Variants in FNDC1 observed in about 807,000 individuals in gnomAD.
FNDC1 encodes fibronectin type III domain-containing protein 1.
In FNDC1, 96 loss-of-function variants were observed where a neutral mutation model predicts 168.0. That is an observed-to-expected ratio of 0.57 (90% CI 0.48 to 0.68). The LOEUF is 0.68. Among genes scored for constraint, FNDC1 ranks in the 30% least tolerant of loss-of-function variants. FNDC1 has a pLI of 0.00. For missense variants in FNDC1, 2,587 were observed against 2,482.1 expected (o/e 1.04, Z -0.90); for synonymous variants, 1,099 against 1,025.9 (o/e 1.07, Z -1.36).
Position 159,169,608 on chromosome 6 carries a change from G to A in FNDC1, c.12G>A (p.Glu4=). The change falls in exon 1 of 23, where the codon GAG becomes GAA. Residue 4 remains glutamate (E), a synonymous_variant. Transcript: ENST00000297267. This position sits in a 1 kb window ranked among gnomAD's most constrained non-coding sequence, Gnocchi z 6.8. ...ACCCCGGGCTCTCGATGGCCCCCGA[G>A]GCCGGGGCGACCCTGCGCGCGCCGC... MAP[E]AGATLRAPRR... is the part of the protein sequence containing the mutation. 1.8e-6 allele frequency: 2 copies of A among 1,123,586 alleles called. No homozygotes were observed. The highest frequency in any genetic ancestry group is 4.0e-5 in the South Asian group (1 of 24,742). The allele number at this position is 1,123,586 out of a possible 1,614,324, so 69.6% of individuals were successfully genotyped here.
intron 4 of FNDC1, among the ~76,000 whole-genome samples, chr6:159,213,520 C>T (rs1017949552): frequency 1.4e-4 from 22 of 152,136 alleles, no homozygotes; most frequent in Non-Finnish European, 3.1e-4. Context: ...CACTGTGACC[C>T]CCAGTATCAG....
intron 4 of FNDC1, among the ~76,000 whole-genome samples, chr6:159,209,653 A>C (rs1782557016): frequency 6.6e-6 from 1 of 152,174 alleles, no homozygotes; most frequent in African/African-American, 2.4e-5. Context: ...CTCGAACTGA[A>C]GGTGGTGATG....
intron 9 of FNDC1, among the ~76,000 whole-genome samples, chr6:159,229,184 CA>C (rs1783027391): frequency 6.6e-6 from 1 of 152,166 alleles, no homozygotes; most frequent in African/African-American, 2.4e-5. Flanking sequence ...GACTATAGAG[CA>C]AGCCAATTAA....
At chr6:159,256,827 A>T (rs1777384840) in intron 18 of FNDC1, among the ~76,000 whole-genome samples, 196 bp downstream of exon 18, 1 of 152,236 alleles carries the variant, frequency 6.6e-6, no homozygotes, top group South Asian at 2.1e-4. Flanking sequence ...ATGTATTGTC[A>T]TTGTTAGGCT....
Position 159,267,833 on chromosome 6 carries a change from G to A in FNDC1, c.5476G>A (p.Gly1826Arg), listed in dbSNP as rs878942095. ...ATTCTACAGCATTGGAGACAGCTGG[G>A]GAAGAGGTGAAGACCATTGCCAATT... ...DTFYSIGDSWGRGEDHCQFVD... is the reference protein window; with the variant it reads ...DTFYSIGDSWRRGEDHCQFVD... Residue 1826 changes from glycine to arginine, a missense_variant, in exon 22 of 23, where the codon GGA becomes AGA. Coordinates refer to ENST00000297267, the MANE Select transcript of FNDC1 (RefSeq NM_032532.3). 1 of 1,613,738 alleles carries A rather than the reference G, an allele frequency of 6.2e-7. No homozygotes were observed. The highest frequency in any genetic ancestry group is 8.5e-7 in the Non-Finnish European group (1 of 1,179,824).
In FNDC1 at chr6:159,233,456, C is replaced by T. The variant is rs764838274; in HGVS notation, c.2944C>T (p.Pro982Ser). 2.1e-5 allele frequency: 34 copies of T among 1,606,792 alleles called. No homozygotes were observed. Among genetic ancestry groups the T allele is most frequent in the Non-Finnish European group, 2.9e-5 (34 of 1,178,716 alleles). Reference protein sequence around the residue: ...TDRHASPARPPAARSQQHPSV... With the variant: ...TDRHASPARPSAARSQQHPSV... The stretch of plus-strand genomic sequence containing the variant: ...CCGCCACGCGTCCCCTGCTCGTCCG[C>T]CCGCAGCACGGTCACAGCAGCATCC... Residue 982 changes from proline (P) to serine (S), a missense_variant, in exon 11 of 23, where the codon CCC becomes TCC. Physicochemically the swap from Pro to Ser is moderately conservative, Grantham distance 74. Transcript: ENST00000297267. This position sits in a 1 kb window ranked among gnomAD's most constrained non-coding sequence, Gnocchi z 4.6.
Position 159,178,753 on chromosome 6 carries a change from T to G in FNDC1, c.109+9048T>G, listed in dbSNP as rs77935442. On this transcript the variant is annotated intron_variant, in intron 1 of 22. Transcript: ENST00000297267. ...TAGCTTGCAAGTGTTTTTCTTTTTTTTTTTTTGTAAATGGAGAAATCATGG... is the reference window on the plus strand; with the variant it reads ...TAGCTTGCAAGTGTTTTTCTTTTTTGTTTTTTGTAAATGGAGAAATCATGG... Among the ~76,000 whole-genome samples the G allele has an allele frequency of 9.0e-3, 1,374 of 152,012 alleles. 28 individuals are homozygous for G. Among genetic ancestry groups the G allele is most frequent in the African/African-American group, 0.031 (1,298 of 41,398 alleles).
rs1301547312 is a variant in FNDC1 at position 159,169,812 on chromosome 6, C to CTGTG, written c.109+108_109+111dup. Reference sequence around the variant, plus strand: ...GCTGGCTACGGGTCGTGTCACTAGCCTGTGCGTCCTCGTCACTCGCGGGTC... The same window carrying CTGTG: ...GCTGGCTACGGGTCGTGTCACTAGCCTGTGTGTGCGTCCTCGTCACTCGCGGGTC... On this transcript the variant is annotated intron_variant, in intron 1 of 22. Transcript: ENST00000297267. This position sits in a 1 kb window ranked among gnomAD's most constrained non-coding sequence, Gnocchi z 6.8. 10 of 326,262 alleles carry CTGTG rather than the reference C, an allele frequency of 3.1e-5. No homozygotes were observed. The highest frequency in any genetic ancestry group is 4.3e-5 in the Non-Finnish European group (9 of 208,166). 20.2% of individuals were successfully genotyped at this position (326,262 alleles called of 1,614,324 possible). A position where few individuals can be genotyped will look rare whatever the true frequency, so the allele number is the denominator to read the frequency against.
At chr6:159,212,936 A>G (rs1782635279) in intron 4 of FNDC1, among the ~76,000 whole-genome samples, 1 of 152,184 alleles carries the variant, frequency 6.6e-6, no homozygotes. Flanking sequence ...GCCTGGCCCT[A>G]AACAGCTATG....
chr6:159,262,978 G>A (rs1206462401), intron 19 of FNDC1, among the ~76,000 whole-genome samples: 1 of 152,200 alleles, frequency 6.6e-6, no homozygotes, highest in African/African-American at 2.4e-5. Context: ...GCGAGCAACA[G>A]GCAAATGATA....
At chr6:159,269,229 CT>C (rs1426243635) in intron 22 of FNDC1, among the ~76,000 whole-genome samples, 2,387 of 141,496 alleles carry the variant, frequency 0.017, 97 homozygotes, top group African/African-American at 0.064. Context: ...ATCTATCTAT[CT>C]ATCTATCTAT....
chr6:159,194,185 A>G (rs1583861409), intron 1 of FNDC1, among the ~76,000 whole-genome samples: 4 of 152,328 alleles, frequency 2.6e-5, no homozygotes, highest in Middle Eastern at 3.4e-3. Flanking sequence ...CCCTTAGGCT[A>G]CAACTTAAGC....
chr6:159,265,948 A>G (rs555110829), intron 20 of FNDC1, 136 bp from the exon 21 acceptor site: 18 of 856,048 alleles, frequency 2.1e-5, no homozygotes, highest in African/African-American at 9.8e-5. Flanking sequence ...ACAAACAACA[A>G]CACAAACAAA....
Position 159,271,421 on chromosome 6 carries a change from C to G in FNDC1, c.5664C>G (p.Val1888=). 1 of 1,610,208 alleles carries G rather than the reference C, an allele frequency of 6.2e-7. No individual in the cohort carries two copies. Among genetic ancestry groups the G allele is most frequent in the Non-Finnish European group, 8.5e-7 (1 of 1,178,316 alleles). ...YYYVGWYECG[V]SIPGKW is the part of the protein sequence containing the mutation. ...ATGTGGGCTGGTACGAGTGTGGGGT[C>G]TCCATCCCTGGAAAGTGGTAATCAC... Residue 1888 remains valine, a synonymous_variant, in exon 23 of 23, where the codon GTC becomes GTG. Transcript: ENST00000297267.
chr6:159,271,526 C>A lies in FNDC1; in HGVS notation c.*84C>A, dbSNP rs561593947. 2.1e-5 allele frequency: 22 copies of A among 1,060,608 alleles called. No individual in the cohort carries two copies. The East Asian group carries it at 5.0e-4, about 24-fold the overall frequency. 65.7% of individuals were successfully genotyped at this position (1,060,608 alleles called of 1,614,324 possible). ...AGGGGCTGTGAGCAAAGACAGCCAG[C>A]GTGCTCAGCCCCGCTGCCCTAGGTG... On this transcript the variant is annotated 3_prime_UTR_variant, in exon 23 of 23. Coordinates refer to ENST00000297267, the MANE Select transcript of FNDC1 (RefSeq NM_032532.3).
intron 1 of FNDC1, among the ~76,000 whole-genome samples, chr6:159,180,087 A>C (rs1781848694): frequency 6.6e-6 from 1 of 152,222 alleles, no homozygotes; most frequent in South Asian, 2.1e-4. Context: ...TTTAAACAAC[A>C]GAAATGTATT....
At position 159,226,021 on chromosome 6, in the gene FNDC1, G is replaced by A. The variant is rs146415461; in HGVS notation, c.1072+299G>A. On this transcript the variant is annotated intron_variant, in intron 8 of 22. Coordinates refer to ENST00000297267, the MANE Select transcript of FNDC1 (RefSeq NM_032532.3). ...GCATGCATCAGTCACCATTGTGTGCGTGAATGCCCCCAGGTGATGGATGGC... is the reference window on the plus strand; with the variant it reads ...GCATGCATCAGTCACCATTGTGTGCATGAATGCCCCCAGGTGATGGATGGC... 1.5e-4 allele frequency among the ~76,000 whole-genome samples: 23 copies of A among 152,262 alleles called. No individual in the cohort carries two copies. The East Asian group carries it at 4.1e-3, about 27-fold the overall frequency.
chr6:159,169,598 TG>T lies in FNDC1; in HGVS notation c.4del (p.Ala2?). The T allele has an allele frequency of 9.0e-7, 1 of 1,109,416 alleles. No homozygotes were observed. Among genetic ancestry groups the T allele is most frequent in the Non-Finnish European group, 1.1e-6 (1 of 909,602 alleles). The allele number at this position is 1,109,416 out of a possible 1,614,324, so 68.7% of individuals were successfully genotyped here. A position where few individuals can be genotyped will look rare whatever the true frequency, so the allele number is the denominator to read the frequency against. On this transcript the variant is annotated frameshift_variant and start_lost, in exon 1 of 23. Coordinates refer to ENST00000297267, the MANE Select transcript of FNDC1 (RefSeq NM_032532.3). LOFTEE classifies it high-confidence loss of function. The surrounding 1 kb of genome is among the most constrained non-coding windows in gnomAD (Gnocchi z 6.8). [M>X]APEAGATLRA... ...GCCCCGGCCCACCCCGGGCTCTCGA[TG>T]GCCCCCGAGGCCGGGGCGACCCTGC...
chr6:159,253,817 C>T (rs1006019329), intron 17 of FNDC1, among the ~76,000 whole-genome samples: 34 of 152,196 alleles, frequency 2.2e-4, no homozygotes, highest in African/African-American at 8.0e-4. Context: ...ACATGGGAAA[C>T]GCAGGGTTCT....
Sources: allele counts gnomAD v4.1 joint callset (sites outside exome capture counted in the v4.1 genomes callset), GRCh38; gene constraint gnomAD v4.1.1; non-coding constraint Gnocchi (gnomAD v3.1); transcripts MANE v1.5; gene names NCBI Gene and HGNC (gene_info 2026-07-23, HGNC 2026-07-21).